The following EXT1 variants were observed in gnomAD, a reference collection of about 807,000 sequenced individuals.
EXT1 encodes the protein exostosin-1.
In EXT1, 20 loss-of-function variants were observed where a neutral mutation model predicts 82.5. The observed-to-expected ratio is 0.24, with a 90% CI of 0.17 to 0.35. The LOEUF (loss-of-function observed/expected upper bound fraction) is 0.35, where lower values mean the gene tolerates loss of function less well. Among genes scored for constraint, EXT1 ranks in the 10% least tolerant of loss-of-function variants. The pLI is 1.00. For synonymous variants in EXT1, 348 were observed against 350.8 expected, an observed-to-expected ratio of 0.99 and a Z score of 0.09; for missense variants, 757 against 936.5, an observed-to-expected ratio of 0.81 and a Z score of 2.50.
intron 1 of EXT1, among the ~76,000 whole-genome samples, chr8:117,887,527 T>G (rs755758589): frequency 5.3e-5 from 8 of 152,062 alleles, no homozygotes; most frequent in Non-Finnish European, 1.0e-4. Flanking sequence ...AATTTTTGTA[T>G]TTTTAGTAGA....
Position 117,857,782 on chromosome 8 carries a change from T to G in EXT1, c.963-20581A>C, listed in dbSNP as rs113565847. Among the ~76,000 whole-genome samples, 460 of 152,328 alleles carry G rather than the reference T, an allele frequency of 3.0e-3. 1 individual carries two copies. Among genetic ancestry groups the G allele is most frequent in the Non-Finnish European group, 3.9e-3 (268 of 68,032 alleles). The stretch of plus-strand genomic sequence containing the variant: ...TTTATAAGGCTATAGCTGACAGAGA[T>G]GGTGATTCCTCTGATGGATCTGGGC... On this transcript the variant is annotated intron_variant, in intron 1 of 10. Transcript: ENST00000378204.
chr8:117,912,911 C>T (rs535513834), intron 1 of EXT1, among the ~76,000 whole-genome samples: 1 of 152,260 alleles, frequency 6.6e-6, no homozygotes, highest in South Asian at 2.1e-4. Context: ...ATAGAGCTAA[C>T]AATGGGACAA....
At chr8:118,075,329 T>C (rs551309003) in intron 1 of EXT1, among the ~76,000 whole-genome samples, 148 of 152,328 alleles carry the variant, frequency 9.7e-4, no homozygotes, top group African/African-American at 3.5e-3. Flanking sequence ...TGTGTCTCCA[T>C]TCCCGATACT....
At chr8:117,855,738 G>A (rs1440539333) in intron 1 of EXT1, among the ~76,000 whole-genome samples, 3 of 152,192 alleles carry the variant, frequency 2.0e-5, no homozygotes, top group East Asian at 1.9e-4. Context: ...GTGCGATCTC[G>A]GCTCACTGCA....
At chr8:117,807,785 C>T (rs1374041421) in intron 8 of EXT1, among the ~76,000 whole-genome samples, 2 of 151,606 alleles carry the variant, frequency 1.3e-5, no homozygotes, top group South Asian at 2.1e-4. Flanking sequence ...AATGAATATA[C>T]AACATATATC....
At chr8:118,049,785 T>C (rs1447197394) in intron 1 of EXT1, among the ~76,000 whole-genome samples, 1 of 152,096 alleles carries the variant, frequency 6.6e-6, no homozygotes, top group African/African-American at 2.4e-5. Flanking sequence ...CCACATCAGC[T>C]TAACAAGAAG....
intron 1 of EXT1, among the ~76,000 whole-genome samples, chr8:117,858,786 C>A (rs1812618711): frequency 3.9e-5 from 4 of 103,620 alleles, no homozygotes; most frequent in South Asian, 3.5e-4. Context: ...GGCAGGCAGG[C>A]AGGCAAGGCA....
At chr8:117,842,231 G>A (rs1812284873) in intron 1 of EXT1, among the ~76,000 whole-genome samples, 1 of 152,214 alleles carries the variant, frequency 6.6e-6, no homozygotes, top group Non-Finnish European at 1.5e-5. Flanking sequence ...GTAATCTTGA[G>A]AAAGTTATTT....
intron 1 of EXT1, among the ~76,000 whole-genome samples, chr8:117,999,391 C>G (rs1042223545): frequency 1.3e-5 from 2 of 152,116 alleles, no homozygotes; most frequent in African/African-American, 4.8e-5. Flanking sequence ...GGTCCCAAGC[C>G]CTAACTCAGC....
chr8:118,086,651 C>T (rs534055428), intron 1 of EXT1, among the ~76,000 whole-genome samples: 18 of 151,896 alleles, frequency 1.2e-4, no homozygotes, highest in Admixed American at 4.6e-4. Context: ...AGGGAGAAAC[C>T]GAGAATCTTG....
chr8:118,041,200 C>T (rs574144134), intron 1 of EXT1, among the ~76,000 whole-genome samples: 1 of 152,270 alleles, frequency 6.6e-6, no homozygotes, highest in South Asian at 2.1e-4. Context: ...AAGAAGTCCT[C>T]AAGTCTAAAA....
intron 1 of EXT1, among the ~76,000 whole-genome samples, chr8:118,086,383 T>C (rs905757673): frequency 1.3e-5 from 2 of 152,292 alleles, no homozygotes; most frequent in African/African-American, 4.8e-5. Context: ...CATAAAGCTA[T>C]TGTGACCAGT....
intron 1 of EXT1, among the ~76,000 whole-genome samples, chr8:118,099,703 C>G (rs2130018854): frequency 6.6e-6 from 1 of 152,324 alleles, no homozygotes; most frequent in East Asian, 1.9e-4. Flanking sequence ...GGGTATCTTC[C>G]TGCTAGGTGG....
At chr8:118,090,778 CAAAAAAAAAAAAAAAA>C (rs11318164) in intron 1 of EXT1, among the ~76,000 whole-genome samples, 354 of 27,228 alleles carry the variant, frequency 0.013, 10 homozygotes, top group African/African-American at 0.036. Context: ...GATTCTGTCT[CAAAAAAAAAAAAAAAA>C]AAAAAAAAAA....
intron 3 of EXT1, 123 bp downstream of exon 3, chr8:117,835,321 G>C (rs1269046778): frequency 4.0e-6 from 3 of 742,280 alleles, no homozygotes; most frequent in Non-Finnish European, 7.3e-6. Context: ...CCATGACACA[G>C]GTAATTTTCT....
At position 117,858,844 on chromosome 8, in the gene EXT1, G is replaced by GGAAA. The variant is rs1181366390; in HGVS notation, c.963-21647_963-21644dup. ...AGGAAGGAAGGAAGGAAGGAAGGAAGGAAAGAAAGAAAGAAAGAAAGAAAG... is the reference window on the plus strand; with the variant it reads ...AGGAAGGAAGGAAGGAAGGAAGGAAGGAAAGAAAGAAAGAAAGAAAGAAAGAAAG... On this transcript the variant is annotated intron_variant, in intron 1 of 10. Coordinates refer to ENST00000378204, the MANE Select transcript of EXT1 (RefSeq NM_000127.3). 1.8e-3 allele frequency among the ~76,000 whole-genome samples: 156 copies of GGAAA among 85,308 alleles called. 8 individuals are homozygous for GGAAA. The highest frequency in any genetic ancestry group is 9.4e-3 in the East Asian group (28 of 2,984). The allele number at this position is 85,308 out of a possible 152,430, so 56.0% of individuals were successfully genotyped here. A position where few individuals can be genotyped will look rare whatever the true frequency, so the allele number is the denominator to read the frequency against.
In EXT1 at chr8:117,810,203, T is replaced by C. The variant is rs565738676; in HGVS notation, c.1722+2669A>G. Among the ~76,000 whole-genome samples the C allele has an allele frequency of 5.3e-5, 8 of 152,284 alleles. No individual in the cohort carries two copies. The South Asian group carries it at 1.7e-3, about 32-fold the overall frequency. On this transcript the variant is annotated intron_variant, in intron 8 of 10. Transcript: ENST00000378204. ...AACTATAAACCAACTATAATGCCCT[T>C]TATAGGATGCTGTTTAAAAATCCAT...
chr8:117,955,459 C>T (rs1238517778), intron 1 of EXT1, among the ~76,000 whole-genome samples: 1 of 152,210 alleles, frequency 6.6e-6, no homozygotes, highest in East Asian at 1.9e-4. Context: ...GTTTATCACC[C>T]AGGAAATTCC....
At chr8:118,016,962 T>G (rs527535690) in intron 1 of EXT1, among the ~76,000 whole-genome samples, 1 of 152,266 alleles carries the variant, frequency 6.6e-6, no homozygotes, top group South Asian at 2.1e-4. Flanking sequence ...AATTATCGAG[T>G]TGAATCTTTG....
Sources: allele counts gnomAD v4.1 joint callset (sites outside exome capture counted in the v4.1 genomes callset), GRCh38; gene constraint gnomAD v4.1.1; transcripts MANE v1.5; gene names NCBI Gene and HGNC (gene_info 2026-07-23, HGNC 2026-07-21).